Variants in RBFOX1 observed in about 807,000 individuals in gnomAD.
The protein encoded by RBFOX1 is RNA binding fox-1 homolog 1, also known as RNA binding protein fox-1 homolog 1.
RBFOX1 carries 8 observed loss-of-function variants against 57.7 expected under a neutral mutation model. That is an observed-to-expected ratio of 0.14 (90% CI 0.08 to 0.25). RBFOX1 has a LOEUF of 0.25. Among genes scored for constraint, RBFOX1 ranks in the 10% least tolerant of loss-of-function variants. The pLI is 1.00. For missense variants in RBFOX1, 611 were observed against 548.5 expected (o/e 1.11, Z -1.14); for synonymous variants, 326 against 222.4 (o/e 1.47, Z -4.15).
intron 3 of RBFOX1, among the ~76,000 whole-genome samples, chr16:6,828,388 G>C (rs937613911): frequency 6.6e-6 from 1 of 152,040 alleles, no homozygotes; most frequent in African/African-American, 2.4e-5. Context: ...ACTGGGCATG[G>C]TGACACAGGC....
At position 6,993,104 on chromosome 16, in the gene RBFOX1, C is replaced by A. The variant is rs377136887; in HGVS notation, c.-15-58953C>A. ...TCTTTTGTTAGTCTACTGCATTCAT[C>A]TTTGGTTCTGTGTAGGATCCATAGA... On this transcript the variant is annotated intron_variant, in intron 3 of 15. Transcript: ENST00000550418. 2.1e-4 allele frequency among the ~76,000 whole-genome samples: 32 copies of A among 152,312 alleles called. No individual in the cohort carries two copies. The East Asian group carries it at 5.4e-3, about 26-fold the overall frequency.
chr16:5,844,419 G>C (rs1029875535), intron 3 of RBFOX1, among the ~76,000 whole-genome samples: 1 of 152,186 alleles, frequency 6.6e-6, no homozygotes. Flanking sequence ...CAAAGTAATT[G>C]GCATTACATT....
At chr16:6,681,713 A>C (rs1271273526) in intron 3 of RBFOX1, among the ~76,000 whole-genome samples, 1 of 152,096 alleles carries the variant, frequency 6.6e-6, no homozygotes, top group Non-Finnish European at 1.5e-5. Flanking sequence ...TAAAATGTTC[A>C]AACTTATCTG....
chr16:7,349,406 T>C (rs1194875547), intron 4 of RBFOX1, among the ~76,000 whole-genome samples: 1 of 152,184 alleles, frequency 6.6e-6, no homozygotes, highest in Non-Finnish European at 1.5e-5. Context: ...CCCTAAGTCC[T>C]CAAAGTATAA....
intron 4 of RBFOX1, among the ~76,000 whole-genome samples, chr16:5,953,539 T>C (rs1337567561): frequency 6.6e-6 from 1 of 152,110 alleles, no homozygotes; most frequent in Non-Finnish European, 1.5e-5. Context: ...GTCATTCTTA[T>C]GCCTTTGCAT....
At position 7,090,805 on chromosome 16, in the gene RBFOX1, C is replaced by T. The variant is rs185234506; in HGVS notation, c.27+38707C>T. The stretch of plus-strand genomic sequence containing the variant: ...GGACTTCTTGGAAAAGCAGGGAAGT[C>T]ACGTTTACTGAGGATGTGATCTGAG... On this transcript the variant is annotated intron_variant, in intron 4 of 15. Transcript: ENST00000550418. Among the ~76,000 whole-genome samples, 843 of 152,176 alleles carry T rather than the reference C, an allele frequency of 5.5e-3. 4 individuals carry two copies. Among genetic ancestry groups the T allele is most frequent in the Non-Finnish European group, 8.4e-3 (568 of 67,998 alleles).
chr16:6,679,387 G>T (rs749559256), intron 3 of RBFOX1, among the ~76,000 whole-genome samples: 1 of 152,126 alleles, frequency 6.6e-6, no homozygotes, highest in Non-Finnish European at 1.5e-5. Flanking sequence ...CTATATTGGT[G>T]ATGGAAAGGG....
At chr16:6,726,236 C>A (rs1328989981) in intron 3 of RBFOX1, among the ~76,000 whole-genome samples, 1 of 152,088 alleles carries the variant, frequency 6.6e-6, no homozygotes, top group Non-Finnish European at 1.5e-5. Context: ...CTACCCCCTA[C>A]CCCAGCAAGG....
intron 2 of RBFOX1, among the ~76,000 whole-genome samples, chr16:5,568,793 C>A (rs140077157): frequency 6.6e-6 from 1 of 152,220 alleles, no homozygotes; most frequent in South Asian, 2.1e-4. Context: ...TTTTTTCACT[C>A]CTCCCACCAA....
At chr16:5,346,139 G>A (rs1056320355) in intron 1 of RBFOX1, among the ~76,000 whole-genome samples, 5 of 152,174 alleles carry the variant, frequency 3.3e-5, no homozygotes, top group Non-Finnish European at 7.3e-5. Flanking sequence ...CATCACCTCC[G>A]TGGAGCTCCT....
chr16:6,467,011 T>C (rs1048734206), intron 2 of RBFOX1, among the ~76,000 whole-genome samples: 65 of 151,340 alleles, frequency 4.3e-4, no homozygotes, highest in Admixed American at 1.3e-4. Flanking sequence ...TTTAATGAAA[T>C]ATAATAAAGT....
chr16:6,155,935 C>T (rs1296853773), intron 1 of RBFOX1, among the ~76,000 whole-genome samples: 1 of 152,144 alleles, frequency 6.6e-6, no homozygotes, highest in African/African-American at 2.4e-5. Context: ...TTGCCAGGCA[C>T]TCTGATAAGT....
chr16:7,477,453 C>T (rs141694795), intron 4 of RBFOX1, among the ~76,000 whole-genome samples: 24 of 152,196 alleles, frequency 1.6e-4, no homozygotes, highest in African/African-American at 4.1e-4. Context: ...GCATTAATTC[C>T]GATATTTCAA....
At chr16:7,031,188 T>G (rs2042700231) in intron 3 of RBFOX1, among the ~76,000 whole-genome samples, 1 of 152,022 alleles carries the variant, frequency 6.6e-6, no homozygotes, top group African/African-American at 2.4e-5. Flanking sequence ...TGCCTTACAG[T>G]TAAGAAAATA....
At position 5,904,976 on chromosome 16, in the gene RBFOX1, C is replaced by CAAA. The variant is rs57824134; in HGVS notation, c.351+37657_351+37659dup. Among the ~76,000 whole-genome samples the CAAA allele has an allele frequency of 3.4e-3, 227 of 66,808 alleles. 2 individuals carry two copies. The highest frequency in any genetic ancestry group is 0.013 in the African/African-American group (217 of 16,456). 43.8% of individuals were successfully genotyped at this position (66,808 alleles called of 152,430 possible). A position where few individuals can be genotyped will look rare whatever the true frequency, so the allele number is the denominator to read the frequency against. ...TGGGCGACAGAGCAAGACTCCGTCT[C>CAAA]AAAAAAAAAAAAAAAAAAGAGAGGT... On this transcript the variant is annotated intron_variant, in intron 4 of 19. Coordinates refer to the RBFOX1 transcript ENST00000641259.
intron 3 of RBFOX1, among the ~76,000 whole-genome samples, chr16:6,673,226 C>G (rs569347337): frequency 6.6e-6 from 1 of 152,114 alleles, no homozygotes; most frequent in African/African-American, 2.4e-5. Flanking sequence ...TCTGTGTCTT[C>G]TCTATCCACT....
rs530687878 is a variant in RBFOX1 at position 7,373,017 on chromosome 16, C to T, written c.28-145130C>T. On this transcript the variant is annotated intron_variant, in intron 4 of 15. Transcript: ENST00000550418. ...TGCATTCTTGGCTCACTGCAAGCTC[C>T]GTCTCCCAGGCTGTAGCCATTCTCT... Among the ~76,000 whole-genome samples the T allele has an allele frequency of 2.6e-5, 4 of 151,726 alleles. No homozygotes were observed. The East Asian group carries it at 5.9e-4, about 22-fold the overall frequency.
intron 2 of RBFOX1, among the ~76,000 whole-genome samples, chr16:6,624,382 G>C (rs972079861): frequency 1.8e-4 from 27 of 152,166 alleles, no homozygotes; most frequent in African/African-American, 6.5e-4. Flanking sequence ...GGTGAGATCA[G>C]GGTTTTTGCA....
chr16:7,580,817 A>G (rs1726138662), intron 6 of RBFOX1, among the ~76,000 whole-genome samples: 1 of 152,244 alleles, frequency 6.6e-6, no homozygotes, highest in African/African-American at 2.4e-5. Flanking sequence ...CAATTTGCCC[A>G]TGACATCCCA....
Sources: gnomAD v4.1 joint callset for allele counts (sites outside exome capture counted in the v4.1 genomes callset) on GRCh38, gnomAD v4.1.1 for gene constraint, MANE v1.5 for transcripts, NCBI Gene and HGNC (gene_info 2026-07-23, HGNC 2026-07-21) for gene names.